The following FAM135B variants were observed in gnomAD, a reference collection of about 807,000 sequenced individuals.
The protein encoded by FAM135B is family with sequence similarity 135 member B.
Under a neutral mutation model 127.7 loss-of-function variants are expected in FAM135B, and 43 were observed. The ratio of observed to expected loss-of-function variants is 0.34; its 90% CI spans 0.26 to 0.43. The LOEUF (loss-of-function observed/expected upper bound fraction) is 0.43, where lower values mean the gene tolerates loss of function less well. FAM135B is among the 20% of genes least tolerant of loss of function. The probability of loss-of-function intolerance (pLI) is 1.00; values close to 1 mark genes in which losing one functional copy is unlikely to be tolerated. For synonymous variants in FAM135B, 670 were observed against 665.1 expected, an observed-to-expected ratio of 1.01 and a Z score of -0.11; for missense variants, 1,558 against 1,725.6, an observed-to-expected ratio of 0.90 and a Z score of 1.72.
rs546756460 is a variant in FAM135B at position 138,295,202 on chromosome 8, T to A, written c.157+15639A>T. Among the ~76,000 whole-genome samples, 4 of 136,714 alleles carry A rather than the reference T, an allele frequency of 2.9e-5. No individual in the cohort carries two copies. The South Asian group carries it at 9.7e-4, about 33-fold the overall frequency. The allele number at this position is 136,714 out of a possible 152,430, so 89.7% of individuals were successfully genotyped here. A position where few individuals can be genotyped will look rare whatever the true frequency, so the allele number is the denominator to read the frequency against. ...GGGCTGACGTCTAGCTCATAAAGAC[T>A]CCTACTGAGGGGCAGATTCCTCCAT... On this transcript the variant is annotated intron_variant, in intron 3 of 19. Coordinates refer to ENST00000395297, the MANE Select transcript of FAM135B (RefSeq NM_015912.4).
chr8:138,141,244 C>T lies in FAM135B; in HGVS notation c.3744G>A (p.Gly1248=), dbSNP rs766236454. 1 of 1,613,956 alleles carries T rather than the reference C, an allele frequency of 6.2e-7. No homozygotes were observed. The highest frequency in any genetic ancestry group is 1.3e-5 in the African/African-American group (1 of 74,898). The change falls in exon 17 of 20, where the codon GGG becomes GGA. Residue 1248 remains glycine (G), a synonymous_variant. Coordinates refer to ENST00000395297, the MANE Select transcript of FAM135B (RefSeq NM_015912.4). The surrounding 1 kb of genome is among the most constrained non-coding windows in gnomAD (Gnocchi z 4.7). ...NKLHTFLSLS[G]PHLGTLYNNS... is the part of the protein sequence containing the mutation. ...TGTTGTACAGGGTTCCCAGGTGAGGCCCAGAGAGTGACAGGAACGTGTGGA... is the reference window on the plus strand; with the variant it reads ...TGTTGTACAGGGTTCCCAGGTGAGGTCCAGAGAGTGACAGGAACGTGTGGA...
chr8:138,303,518 G>A (rs1432345717), intron 3 of FAM135B, among the ~76,000 whole-genome samples: 1 of 152,126 alleles, frequency 6.6e-6, no homozygotes, highest in Admixed American at 6.5e-5. Flanking sequence ...GGGTTGGTAG[G>A]TGCGGCAAAC....
At chr8:138,338,262 T>A (rs79424631) in intron 2 of FAM135B, among the ~76,000 whole-genome samples, 134,207 of 149,228 alleles carry the variant, frequency 0.9, 61,361 homozygotes, top group Non-Finnish European at 0.98. Flanking sequence ...GACAAATGGG[T>A]TCTAATTAAA....
At chr8:138,347,387 A>G (rs1025195838) in intron 2 of FAM135B, among the ~76,000 whole-genome samples, 1 of 152,170 alleles carries the variant, frequency 6.6e-6, no homozygotes, top group African/African-American at 2.4e-5. Flanking sequence ...AAGAGATGGC[A>G]ATGCTTATAG....
Position 138,496,771 on chromosome 8 carries a change from G to GGCGGCGGCGGCGGGCGGACTGGGGAGTCC in FAM135B, c.-149_-121dup, listed in dbSNP as rs1815412271. On this transcript the variant is annotated 5_prime_UTR_variant, in exon 1 of 20. Coordinates refer to ENST00000395297, the MANE Select transcript of FAM135B (RefSeq NM_015912.4). ...GTCTCTGGCCGCCAACAGTTGCGGCGGCGGCGGCGGCGGGCGGACTGGGGA... is the reference window on the plus strand; with the variant it reads ...GTCTCTGGCCGCCAACAGTTGCGGCGGCGGCGGCGGCGGGCGGACTGGGGAGTCCGCGGCGGCGGCGGGCGGACTGGGGA... 1 of 154,080 alleles carries GGCGGCGGCGGCGGGCGGACTGGGGAGTCC rather than the reference G, an allele frequency of 6.5e-6. No individual in the cohort carries two copies. The highest frequency in any genetic ancestry group is 2.4e-5 in the African/African-American group (1 of 41,448). The allele number at this position is 154,080 out of a possible 1,614,324, so 9.5% of individuals were successfully genotyped here.
intron 1 of FAM135B, chr8:138,440,380 T>C (rs1835691781): frequency 6.6e-6 from 1 of 151,656 alleles, no homozygotes; most frequent in African/African-American, 2.4e-5. Context: ...GAGGGAGAAA[T>C]GGGTGCAAGA....
intron 1 of FAM135B, among the ~76,000 whole-genome samples, chr8:138,479,937 C>T (rs1814708930): frequency 6.6e-6 from 1 of 152,180 alleles, no homozygotes; most frequent in South Asian, 2.1e-4. Context: ...TGTTTATCCC[C>T]CAAGGCTTAC....
At position 138,244,085 on chromosome 8, in the gene FAM135B, A is replaced by AGCATTAT. The variant is rs1480127804; in HGVS notation, c.543-1024_543-1018dup. Among the ~76,000 whole-genome samples, 4 of 152,212 alleles carry AGCATTAT rather than the reference A, an allele frequency of 2.6e-5. No individual in the cohort carries two copies. The East Asian group carries it at 7.7e-4, about 29-fold the overall frequency. ...AAAATATTGACAGGAAAATAAATTT[A>AGCATTAT]GCATTATATTTATGTTTAATTCATT... On this transcript the variant is annotated intron_variant, in intron 6 of 19. Transcript: ENST00000395297.
At chr8:138,306,867 A>T (rs1190731048) in intron 3 of FAM135B, among the ~76,000 whole-genome samples, 2 of 152,122 alleles carry the variant, frequency 1.3e-5, no homozygotes, top group East Asian at 3.9e-4. Flanking sequence ...TACAGGTGTG[A>T]GCCACCTCAC....
intron 1 of FAM135B, among the ~76,000 whole-genome samples, chr8:138,416,839 G>A (rs1834185177): frequency 6.6e-6 from 1 of 152,112 alleles, no homozygotes; most frequent in African/African-American, 2.4e-5. Flanking sequence ...TAAAAGGGGA[G>A]GAAGGTAGAA....
chr8:138,254,848 C>T (rs908469338), intron 5 of FAM135B, among the ~76,000 whole-genome samples: 1 of 152,074 alleles, frequency 6.6e-6, no homozygotes, highest in Non-Finnish European at 1.5e-5. Flanking sequence ...TCAGCGGATG[C>T]CCCTTCTCAA....
Position 138,461,413 on chromosome 8 carries a change from C to T in FAM135B, c.-20+35258G>A, listed in dbSNP as rs115149266. Among the ~76,000 whole-genome samples the T allele has an allele frequency of 6.8e-3, 1,034 of 152,246 alleles. 13 individuals carry two copies. Among genetic ancestry groups the T allele is most frequent in the African/African-American group, 0.023 (964 of 41,542 alleles). On this transcript the variant is annotated intron_variant, in intron 1 of 19. Coordinates refer to ENST00000395297, the MANE Select transcript of FAM135B (RefSeq NM_015912.4). ...TTGTAGTGAAGAGATTACAAAAATT[C>T]CTTTCCAGAGGATTTGAGAAGCCCA...
chr8:138,251,739 C>T (rs1821713270), intron 5 of FAM135B, among the ~76,000 whole-genome samples: 2 of 152,110 alleles, frequency 1.3e-5, no homozygotes, highest in Admixed American at 6.5e-5. Flanking sequence ...TTGGTTGTTG[C>T]CTAAATAAAA....
At chr8:138,401,637 C>A (rs1275958393) in intron 1 of FAM135B, among the ~76,000 whole-genome samples, 2 of 152,176 alleles carry the variant, frequency 1.3e-5, no homozygotes, top group African/African-American at 2.4e-5. Flanking sequence ...GCCTTTTAAC[C>A]TCAGCTGACA....
intron 1 of FAM135B, among the ~76,000 whole-genome samples, chr8:138,435,268 G>T (rs1007044494): frequency 6.6e-6 from 1 of 152,070 alleles, no homozygotes; most frequent in African/African-American, 2.4e-5. Context: ...TTGCACTACA[G>T]CCTGGGTGAC....
intron 1 of FAM135B, chr8:138,439,213 A>G (rs1009073543): frequency 6.6e-6 from 1 of 152,200 alleles, no homozygotes; most frequent in Non-Finnish European, 1.5e-5. Context: ...TACAAAGATA[A>G]TATTCTTCTA....
chr8:138,398,181 G>A (rs1191704315), intron 1 of FAM135B, among the ~76,000 whole-genome samples: 1 of 152,146 alleles, frequency 6.6e-6, no homozygotes, highest in African/African-American at 2.4e-5. Flanking sequence ...CCACCACCCA[G>A]CACCCATCAG....
chr8:138,144,708 T>A (rs1817512971), intron 15 of FAM135B, among the ~76,000 whole-genome samples: 2 of 152,134 alleles, frequency 1.3e-5, no homozygotes, highest in African/African-American at 2.4e-5. Context: ...AATGAGTGCA[T>A]AATCAGTACT....
rs2130563814 is a variant in FAM135B, at chr8:138,139,011, G to T, written c.3876C>A (p.Phe1292Leu). ...CTGTTTTTTGGCTTAGTTGGTAGAG[G>T]AAACATTTGCGCAAATCAGCATTAT... ...FRDNADLRKC[F>L]LYQLSQKTGL... The change falls in exon 18 of 20, where the codon TTC (phenylalanine) becomes TTA (leucine). Residue 1292 changes from phenylalanine (F) to leucine (L), a missense_variant. This residue lies in a region of FAM135B where 194 missense variants were observed against 333.8 expected (regional missense o/e 0.58). Transcript: ENST00000395297. 1 of 1,613,474 alleles carries T rather than the reference G, an allele frequency of 6.2e-7. No individual in the cohort carries two copies. The highest frequency in any genetic ancestry group is 8.5e-7 in the Non-Finnish European group (1 of 1,179,420).
Sources: allele counts gnomAD v4.1 joint callset (sites outside exome capture counted in the v4.1 genomes callset), GRCh38; gene constraint gnomAD v4.1.1; regional missense constraint gnomAD v4.1.1; non-coding constraint Gnocchi (gnomAD v3.1); transcripts MANE v1.5; gene names NCBI Gene and HGNC (gene_info 2026-07-23, HGNC 2026-07-21).